Variants in NFATC1 observed in about 807,000 individuals in gnomAD.
NFATC1 encodes nuclear factor of activated T-cells, cytoplasmic 1.
NFATC1 carries 22 observed loss-of-function variants against 76.0 expected under a neutral mutation model. The observed-to-expected ratio is 0.29, with a 90% CI of 0.21 to 0.41. The LOEUF (loss-of-function observed/expected upper bound fraction) is 0.41. Ranked by LOEUF, NFATC1 falls within the 10% of genes least tolerant of loss-of-function variation. The probability of loss-of-function intolerance (pLI) is 1.00; values close to 1 mark genes in which losing one functional copy is unlikely to be tolerated. For synonymous variants in NFATC1, 704 were observed against 613.1 expected, an observed-to-expected ratio of 1.15 and a Z score of -2.19; for missense variants, 1,357 against 1,337.7, an observed-to-expected ratio of 1.01 and a Z score of -0.23.
Position 79,442,592 on chromosome 18 carries a change from G to A in NFATC1, c.1387-6190G>A, listed in dbSNP as rs139850579. 6.8e-3 allele frequency among the ~76,000 whole-genome samples: 1,040 copies of A among 152,354 alleles called. 6 individuals are homozygous for A. Among genetic ancestry groups the A allele is most frequent in the Non-Finnish European group, 0.011 (748 of 68,028 alleles). ...GGGAAACAGGCCCTGGCAGCTCAGC[G>A]CTGCTTCTCTGGAGTGGGGATACAA... On this transcript the variant is annotated intron_variant, in intron 3 of 9. Coordinates refer to ENST00000427363, the MANE Select transcript of NFATC1 (RefSeq NM_001278669.2).
chr18:79,489,481 C>T (rs1182457494), intron 9 of NFATC1, among the ~76,000 whole-genome samples: 1 of 152,222 alleles, frequency 6.6e-6, no homozygotes, highest in Non-Finnish European at 1.5e-5. Context: ...AGCAGTCGCT[C>T]ACACCCCTTT....
At chr18:79,401,812 G>A (rs376776242) in intron 1 of NFATC1, among the ~76,000 whole-genome samples, 1 of 152,176 alleles carries the variant, frequency 6.6e-6, no homozygotes, top group Non-Finnish European at 1.5e-5. Flanking sequence ...ACCCCCGGTC[G>A]TTCACAGCGT....
chr18:79,426,267 G>T (rs572147020), intron 2 of NFATC1, among the ~76,000 whole-genome samples: 155 of 151,286 alleles, frequency 1.0e-3, no homozygotes, highest in Non-Finnish European at 1.9e-3. Context: ...CTCTGTCCCA[G>T]CGCAGACGGC....
At chr18:79,520,991 C>T (rs192412216) in intron 9 of NFATC1, among the ~76,000 whole-genome samples, 1 of 39,830 alleles carries the variant, frequency 2.5e-5, no homozygotes, top group African/African-American at 1.1e-4. Flanking sequence ...ATGTGTGTGT[C>T]TGTGTGTGTG....
chr18:79,402,393 A>G (rs115403956), intron 1 of NFATC1: 33,650 of 985,100 alleles, frequency 0.034, 887 homozygotes, highest in African/African-American at 0.14. Flanking sequence ...TTCAGGACAC[A>G]GTCCTCCCCG....
At chr18:79,414,099 G>A (rs879830235) in intron 2 of NFATC1, among the ~76,000 whole-genome samples, 5 of 152,132 alleles carry the variant, frequency 3.3e-5, no homozygotes, top group Non-Finnish European at 5.9e-5. Context: ...CCTCGTCAGC[G>A]GGTGCCCTGG....
intron 8 of NFATC1, among the ~76,000 whole-genome samples, chr18:79,484,618 G>C (rs1454644569): frequency 1.3e-5 from 2 of 152,216 alleles, no homozygotes; most frequent in South Asian, 2.1e-4. Context: ...ATGAGTGAAT[G>C]AAAGTAGAGA....
intron 7 of NFATC1, among the ~76,000 whole-genome samples, chr18:79,464,215 G>T (rs541084552): frequency 3.9e-5 from 6 of 152,070 alleles, no homozygotes; most frequent in African/African-American, 1.4e-4. Context: ...TCAGTCTCCC[G>T]AGTATCTAGG....
chr18:79,414,256 G>T (rs563501914), intron 2 of NFATC1, among the ~76,000 whole-genome samples: 1 of 152,328 alleles, frequency 6.6e-6, no homozygotes, highest in African/African-American at 2.4e-5. Context: ...ATCTCAGGCT[G>T]CACAACTAGA....
intron 3 of NFATC1, among the ~76,000 whole-genome samples, chr18:79,438,737 G>A (rs973242333): frequency 2.6e-5 from 4 of 152,258 alleles, no homozygotes; most frequent in East Asian, 3.9e-4. Context: ...CGGGTCAGGC[G>A]AAGACTCAGA....
chr18:79,400,089 A>AC (rs1249991733), intron 1 of NFATC1, among the ~76,000 whole-genome samples: 1 of 130,336 alleles, frequency 7.7e-6, no homozygotes, highest in Non-Finnish European at 1.6e-5. Flanking sequence ...CCGGGCCGGG[A>AC]CCCCCAGGGC....
intron 1 of NFATC1, chr18:79,402,322 G>T (rs2085295141): frequency 4.1e-6 from 4 of 985,302 alleles, no homozygotes; most frequent in Non-Finnish European, 4.8e-6. Context: ...TCGGATATGG[G>T]GACCCTGGTG....
chr18:79,407,956 G>A (rs977791289), intron 1 of NFATC1, among the ~76,000 whole-genome samples: 8 of 151,654 alleles, frequency 5.3e-5, no homozygotes, highest in Non-Finnish European at 1.0e-4. Flanking sequence ...GCTTCTGGTC[G>A]CACCTGTGAG....
intron 9 of NFATC1, among the ~76,000 whole-genome samples, chr18:79,518,619 G>C (rs1600990712): frequency 6.6e-6 from 1 of 152,302 alleles, no homozygotes; most frequent in Non-Finnish European, 1.5e-5. Flanking sequence ...ATCCCCCAAG[G>C]AGCCACCGCT....
chr18:79,503,581 G>A (rs1434014564), intron 9 of NFATC1, among the ~76,000 whole-genome samples: 1 of 152,190 alleles, frequency 6.6e-6, no homozygotes, highest in Non-Finnish European at 1.5e-5. Context: ...ACAGGCAGAG[G>A]AGATTCCGCG....
intron 6 of NFATC1, among the ~76,000 whole-genome samples, chr18:79,452,365 T>A (rs1407903856): frequency 6.6e-6 from 1 of 152,134 alleles, no homozygotes; most frequent in Non-Finnish European, 1.5e-5. Flanking sequence ...TGCCTCCAGG[T>A]GTTGCGCTGG....
chr18:79,401,797 A>C (rs939195555), intron 1 of NFATC1, among the ~76,000 whole-genome samples: 1 of 152,164 alleles, frequency 6.6e-6, no homozygotes, highest in South Asian at 2.1e-4. Context: ...GGGACCTCCC[A>C]GTACACCCCC....
intron 3 of NFATC1, among the ~76,000 whole-genome samples, chr18:79,435,901 G>A (rs749315560): frequency 6.6e-6 from 1 of 152,172 alleles, no homozygotes; most frequent in Non-Finnish European, 1.5e-5. Context: ...AATGTCAGGA[G>A]CTGTCAGCAT....
intron 9 of NFATC1, among the ~76,000 whole-genome samples, chr18:79,516,692 T>C (rs1462108367): frequency 6.6e-6 from 1 of 152,192 alleles, no homozygotes; most frequent in African/African-American, 2.4e-5. Flanking sequence ...AGGTTGCTTC[T>C]TCTCAAAAAA....
Sources: allele counts gnomAD v4.1 joint callset (sites outside exome capture counted in the v4.1 genomes callset), GRCh38; gene constraint gnomAD v4.1.1; transcripts MANE v1.5; gene names NCBI Gene and HGNC (gene_info 2026-07-23, HGNC 2026-07-21).